Variants in PTPRJ observed in about 807,000 individuals in gnomAD.
The protein encoded by PTPRJ is receptor-type tyrosine-protein phosphatase eta.
Under a neutral mutation model 141.3 loss-of-function variants are expected in PTPRJ, and 129 were observed. The ratio of observed to expected loss-of-function variants is 0.91; its 90% CI spans 0.79 to 1.06. The LOEUF is 1.06. Ranked by LOEUF, PTPRJ falls within the 50% of genes least tolerant of loss-of-function variation. The pLI is 0.00. For missense variants in PTPRJ, 1,601 were observed against 1,679.7 expected, an observed-to-expected ratio of 0.95 and a Z score of 0.82; for synonymous variants, 610 against 640.5, an observed-to-expected ratio of 0.95 and a Z score of 0.72.
intron 5 of PTPRJ, 120 bp from the exon 6 acceptor site, chr11:48,124,848 A>G: frequency 1.1e-6 from 1 of 889,766 alleles, no homozygotes; most frequent in Non-Finnish European, 1.8e-6. Flanking sequence ...GCAGATATTG[A>G]TGGAGCACCA....
At chr11:48,006,430 GC>G (rs1444444925) in intron 1 of PTPRJ, among the ~76,000 whole-genome samples, 2 of 152,116 alleles carry the variant, frequency 1.3e-5, no homozygotes, top group African/African-American at 4.8e-5. Flanking sequence ...GGAGGAAGTA[GC>G]CTGGTCATCT....
intron 10 of PTPRJ, 139 bp downstream of exon 10, chr11:48,137,420 A>G: frequency 6.9e-6 from 6 of 874,334 alleles, no homozygotes; most frequent in Non-Finnish European, 3.5e-6. Context: ...GCATCCTGTT[A>G]GCTTATCGGT....
chr11:48,014,240 A>G (rs1259054747), intron 1 of PTPRJ, among the ~76,000 whole-genome samples: 1 of 152,176 alleles, frequency 6.6e-6, no homozygotes, highest in Non-Finnish European at 1.5e-5. Context: ...GTGTGAGGAA[A>G]AGGGGAGGTA....
intron 2 of PTPRJ, among the ~76,000 whole-genome samples, chr11:48,110,829 A>G (rs1464952385): frequency 6.6e-6 from 1 of 152,244 alleles, no homozygotes; most frequent in Non-Finnish European, 1.5e-5. Flanking sequence ...CTGAGTCCCA[A>G]CTGCTGACAG....
chr11:48,090,243 G>T (rs914119952), intron 1 of PTPRJ, among the ~76,000 whole-genome samples: 1 of 152,164 alleles, frequency 6.6e-6, no homozygotes, highest in Non-Finnish European at 1.5e-5. Flanking sequence ...GAGGCTCACA[G>T]CCCCAGGCGC....
At position 48,132,517 on chromosome 11, in the gene PTPRJ, C is replaced by A. The variant is rs987483954; in HGVS notation, c.1615+1801C>A. 113 of 981,700 alleles carry A rather than the reference C, an allele frequency of 1.2e-4. No homozygotes were observed. In the African/African-American group the frequency reaches 1.9e-3, roughly 16 times the overall value. 60.8% of individuals were successfully genotyped at this position (981,700 alleles called of 1,614,324 possible). On this transcript the variant is annotated intron_variant, in intron 8 of 24. Transcript: ENST00000418331. Reference sequence around the variant, plus strand: ...TTTTTTGGAAAGGTTGAAAAACATACAGTCTTCCTTGATCTAAGATTCAAG... The same window carrying A: ...TTTTTTGGAAAGGTTGAAAAACATAAAGTCTTCCTTGATCTAAGATTCAAG...
At chr11:48,087,447 G>A (rs1174141645) in intron 1 of PTPRJ, among the ~76,000 whole-genome samples, 14 of 152,308 alleles carry the variant, frequency 9.2e-5, no homozygotes, top group Admixed American at 7.8e-4. Context: ...CAAAGTTGTG[G>A]CCCTCTGTCA....
intron 1 of PTPRJ, among the ~76,000 whole-genome samples, chr11:47,994,967 G>A (rs1322718250): frequency 1.3e-5 from 2 of 152,152 alleles, no homozygotes; most frequent in African/African-American, 2.4e-5. Flanking sequence ...TCAATGTATG[G>A]CAATCTGTGA....
chr11:48,153,733 A>G (rs909751695), intron 18 of PTPRJ, 63 bp from the exon 19 acceptor site: 2 of 1,115,194 alleles, frequency 1.8e-6, no homozygotes, highest in Non-Finnish European at 2.7e-6. Flanking sequence ...GTCATATGCT[A>G]TGCTAAATAT....
chr11:48,102,716 T>TTCTA (rs1178467011), intron 1 of PTPRJ, among the ~76,000 whole-genome samples: 1 of 152,082 alleles, frequency 6.6e-6, no homozygotes, highest in Non-Finnish European at 1.5e-5. Flanking sequence ...TGCACCTGGC[T>TTCTA]TCTATCTCCC....
chr11:48,087,917 G>A (rs927698042), intron 1 of PTPRJ, among the ~76,000 whole-genome samples: 2 of 152,172 alleles, frequency 1.3e-5, no homozygotes, highest in Non-Finnish European at 2.9e-5. Flanking sequence ...AGCCAGAAGG[G>A]CTTTGTTTTC....
chr11:48,001,349 AGTGTGTGTGTGTGTGTGTGTGTGTGT>A (rs57503257), intron 1 of PTPRJ, among the ~76,000 whole-genome samples: 2 of 134,676 alleles, frequency 1.5e-5, no homozygotes, highest in African/African-American at 5.5e-5. Flanking sequence ...ACAGCCCCAA[AGTGTGTGTGTGTGTGTGTGTGTGTGT>A]GTGTGTGTGT....
chr11:48,127,148 A>AC (rs35314111), intron 6 of PTPRJ, among the ~76,000 whole-genome samples: 2 of 151,874 alleles, frequency 1.3e-5, no homozygotes, highest in Non-Finnish European at 2.9e-5. Flanking sequence ...ATGTGGCAAG[A>AC]CCCCCCATGA....
intron 20 of PTPRJ, 50 bp downstream of exon 20, chr11:48,155,924 C>T (rs2134381143): frequency 1.3e-6 from 2 of 1,590,584 alleles, no homozygotes; most frequent in Middle Eastern, 1.7e-4. Flanking sequence ...ATGAAATCTT[C>T]AGTGTGCTTT....
At chr11:48,056,374 G>A (rs1854752047) in intron 1 of PTPRJ, among the ~76,000 whole-genome samples, 2 of 152,196 alleles carry the variant, frequency 1.3e-5, no homozygotes, top group Non-Finnish European at 2.9e-5. Flanking sequence ...TCAGATTCCT[G>A]AGTGTAAAAT....
Position 48,167,451 on chromosome 11 carries a change from C to A in PTPRJ, c.*89C>A. On this transcript the variant is annotated 3_prime_UTR_variant, in exon 25 of 25. Coordinates refer to ENST00000418331, the MANE Select transcript of PTPRJ (RefSeq NM_002843.4). ...CCGATGTCGACATGTTTTTATATGT[C>A]TAATATCTTAATTCTTTGTTCTGTT... 1 of 1,377,654 alleles carries A rather than the reference C, an allele frequency of 7.3e-7. No homozygotes were observed. Among genetic ancestry groups the A allele is most frequent in the South Asian group, 1.3e-5 (1 of 74,130 alleles). The allele number at this position is 1,377,654 out of a possible 1,614,324, so 85.3% of individuals were successfully genotyped here.
chr11:48,113,342 T>C (rs1856485386), intron 3 of PTPRJ, among the ~76,000 whole-genome samples: 1 of 152,252 alleles, frequency 6.6e-6, no homozygotes, highest in Admixed American at 6.5e-5. Flanking sequence ...TCTTCCCTGT[T>C]AGTATATACA....
rs1590564263 is a variant in PTPRJ, at chr11:48,153,869, A to G, written c.3212A>G (p.Tyr1071Cys). 10 of 1,612,218 alleles carry G rather than the reference A, an allele frequency of 6.2e-6. No individual in the cohort carries two copies. Among genetic ancestry groups the G allele is most frequent in the African/African-American group, 1.3e-5 (1 of 74,910 alleles). The change falls in exon 19 of 25, where the codon TAT becomes TGT. Residue 1071 changes from tyrosine to cysteine, a missense_variant. Transcript: ENST00000418331. ...GCTGAGAATAGAGGAAAGAATCGCT[A>G]TAATAATGTTCTGCCCTGTAAGTTA... ...ELAENRGKNRYNNVLPYDISR... is the reference protein window; with the variant it reads ...ELAENRGKNRCNNVLPYDISR...
chr11:48,030,483 A>G (rs1051517717), intron 1 of PTPRJ, among the ~76,000 whole-genome samples: 2 of 152,182 alleles, frequency 1.3e-5, no homozygotes, highest in African/African-American at 2.4e-5. Context: ...GAGGAAAGGC[A>G]CAGATCAAGA....
Sources: allele counts gnomAD v4.1 joint callset (sites outside exome capture counted in the v4.1 genomes callset), GRCh38; gene constraint gnomAD v4.1.1; transcripts MANE v1.5; gene names NCBI Gene and HGNC (gene_info 2026-07-23, HGNC 2026-07-21).